ARFGEF3: variants seen among roughly 807,000 people sequenced by gnomAD.
ARFGEF3 encodes the protein brefeldin A-inhibited guanine nucleotide-exchange protein 3.
In ARFGEF3, 96 loss-of-function variants were observed where a neutral mutation model predicts 221.7. The observed-to-expected ratio is 0.43, with a 90% CI of 0.37 to 0.51. ARFGEF3 has a LOEUF of 0.51. Among genes scored for constraint, ARFGEF3 ranks in the 20% least tolerant of loss-of-function variants. The pLI, the probability that ARFGEF3 is intolerant of heterozygous loss-of-function variation, is 0.00. For missense variants in ARFGEF3, 2,410 were observed against 2,789.9 expected, an observed-to-expected ratio of 0.86 and a Z score of 3.07; for synonymous variants, 1,145 against 1,126.8, an observed-to-expected ratio of 1.02 and a Z score of -0.32.
intron 2 of ARFGEF3, among the ~76,000 whole-genome samples, chr6:138,178,244 T>C (rs1029155904): frequency 6.6e-6 from 1 of 152,198 alleles, no homozygotes; most frequent in Non-Finnish European, 1.5e-5. Context: ...ATAGCATACT[T>C]GTCATGGCTC....
chr6:138,174,895 C>A (rs560402360), intron 2 of ARFGEF3, among the ~76,000 whole-genome samples: 6 of 152,206 alleles, frequency 3.9e-5, no homozygotes, highest in Admixed American at 2.0e-4. Context: ...ATCAGAAGAA[C>A]CCTTGAAGAG....
At chr6:138,298,257 G>T (rs1430939917) in intron 21 of ARFGEF3, among the ~76,000 whole-genome samples, 1 of 152,190 alleles carries the variant, frequency 6.6e-6, no homozygotes, top group Non-Finnish European at 1.5e-5. Flanking sequence ...GTGGGGCACA[G>T]CTCAGATGAA....
At chr6:138,166,351 C>A (rs1162838719) in intron 1 of ARFGEF3, among the ~76,000 whole-genome samples, 1 of 152,176 alleles carries the variant, frequency 6.6e-6, no homozygotes, top group Non-Finnish European at 1.5e-5. Context: ...CCGGAGATAA[C>A]ACTGTTGACA....
chr6:138,319,242 T>C (rs964218276), intron 27 of ARFGEF3, among the ~76,000 whole-genome samples: 4 of 147,442 alleles, frequency 2.7e-5, no homozygotes, highest in African/African-American at 1.0e-4. Flanking sequence ...AGGTGTACAC[T>C]ACTGTGGCCA....
At chr6:138,250,033 C>T (rs1263949500) in intron 8 of ARFGEF3, among the ~76,000 whole-genome samples, 1 of 152,208 alleles carries the variant, frequency 6.6e-6, no homozygotes, top group African/African-American at 2.4e-5. Flanking sequence ...ATTTTACTAA[C>T]TTAATTCCTT....
chr6:138,171,436 T>C (rs1776828413), intron 2 of ARFGEF3, among the ~76,000 whole-genome samples: 1 of 152,190 alleles, frequency 6.6e-6, no homozygotes, highest in Non-Finnish European at 1.5e-5. Flanking sequence ...AGTGTGGATT[T>C]AAGCTCTGAT....
rs768308833 is a variant in ARFGEF3 at position 138,238,607 on chromosome 6, G to A, written c.519G>A (p.Gln173=). 6.2e-7 allele frequency: 1 copy of A among 1,613,770 alleles called. No homozygotes were observed. Among genetic ancestry groups the A allele is most frequent in the Non-Finnish European group, 8.5e-7 (1 of 1,179,744 alleles). The change falls in exon 6 of 34, where the codon CAG becomes CAA. Residue 173 remains glutamine (Q), a synonymous_variant. Coordinates refer to ENST00000251691, the MANE Select transcript of ARFGEF3 (RefSeq NM_020340.5). ...AAATGCTGAGTGACTTGACTTTACA[G>A]TTACGACAGAGGCAGGAGAATACGG... is the stretch of plus-strand genomic sequence containing the variant. ...LSQMLSDLTL[Q]LRQRQENTII...
chr6:138,287,218 C>G (rs954501946), intron 17 of ARFGEF3, 34 bp downstream of exon 17: 1 of 1,511,978 alleles, frequency 6.6e-7, no homozygotes, highest in African/African-American at 1.4e-5. Context: ...CACCTGGTGC[C>G]TTGGGTGCAG....
At chr6:138,272,751 C>T (rs1779027617) in intron 12 of ARFGEF3, among the ~76,000 whole-genome samples, 1 of 152,210 alleles carries the variant, frequency 6.6e-6, no homozygotes, top group African/African-American at 2.4e-5. Flanking sequence ...GTTTAGAAAG[C>T]TGATAATGCC....
In ARFGEF3 at chr6:138,334,304, G is replaced by A. The variant is rs775445122; in HGVS notation, c.5458G>A (p.Ala1820Thr). The change falls in exon 33 of 34, where the codon GCC becomes ACC. Residue 1820 changes from alanine (A) to threonine (T), a missense_variant. Around this residue, in one of 5 missense-constraint regions of ARFGEF3, gnomAD observed 723 missense variants for 991.9 expected, o/e 0.73. Coordinates refer to ENST00000251691, the MANE Select transcript of ARFGEF3 (RefSeq NM_020340.5). The surrounding 1 kb of genome is among the most constrained non-coding windows in gnomAD (Gnocchi z 5.1). ...SAMSFNIYFH[A>T]LVCAVLTNQE... ...GATGAGCTTTAACATTTATTTCCACGCCCTGGTGTGTGCTGTTCTCACCAA... is the reference window on the plus strand; with the variant it reads ...GATGAGCTTTAACATTTATTTCCACACCCTGGTGTGTGCTGTTCTCACCAA... The A allele has an allele frequency of 6.8e-6, 11 of 1,613,716 alleles. No homozygotes were observed. The East Asian group carries it at 1.6e-4, about 23-fold the overall frequency.
At chr6:138,316,233 A>G (rs528242751) in intron 26 of ARFGEF3, among the ~76,000 whole-genome samples, 3 of 152,310 alleles carry the variant, frequency 2.0e-5, no homozygotes, top group South Asian at 2.1e-4. Context: ...CTAGGACTTT[A>G]AAGTTATCAT....
chr6:138,194,155 C>A (rs1777365549), intron 2 of ARFGEF3, among the ~76,000 whole-genome samples: 1 of 151,802 alleles, frequency 6.6e-6, no homozygotes, highest in African/African-American at 2.4e-5. Flanking sequence ...GTAATCCCAG[C>A]TACTCAGGAG....
chr6:138,185,373 G>A (rs1013149663), intron 2 of ARFGEF3, among the ~76,000 whole-genome samples: 1 of 152,214 alleles, frequency 6.6e-6, no homozygotes, highest in South Asian at 2.1e-4. Context: ...GGACACGGAG[G>A]GAATTGGACT....
At chr6:138,257,463 ACTGGATGGATGTTC>A (rs1778705949) in intron 10 of ARFGEF3, among the ~76,000 whole-genome samples, 1 of 152,222 alleles carries the variant, frequency 6.6e-6, no homozygotes, top group Non-Finnish European at 1.5e-5. Flanking sequence ...ATTTTACTGC[ACTGGATGGATGTTC>A]CTCCTCATAG....
At chr6:138,294,326 C>T (rs956826107) in intron 20 of ARFGEF3, among the ~76,000 whole-genome samples, 200 bp downstream of exon 20, 2 of 152,334 alleles carry the variant, frequency 1.3e-5, no homozygotes, top group East Asian at 1.9e-4. Context: ...TGAATGGAAA[C>T]GTTGCTGCTA....
At position 138,339,659 on chromosome 6, in the gene ARFGEF3, G is replaced by A. The variant is rs1204751831; in HGVS notation, c.*3173G>A. The A allele has an allele frequency of 6.6e-6, 1 of 152,050 alleles. No homozygotes were observed. The highest frequency in any genetic ancestry group is 1.5e-5 in the Non-Finnish European group (1 of 68,040). 9.4% of individuals were successfully genotyped at this position (152,050 alleles called of 1,614,324 possible). A position where few individuals can be genotyped will look rare whatever the true frequency, so the allele number is the denominator to read the frequency against. On this transcript the variant is annotated 3_prime_UTR_variant, in exon 34 of 34. Transcript: ENST00000251691. Reference sequence around the variant, plus strand: ...TGATGGCCCAGCCAAGTATATGGAGGGACAGAGTTCTCTCTGTCATTAATG... The same window carrying A: ...TGATGGCCCAGCCAAGTATATGGAGAGACAGAGTTCTCTCTGTCATTAATG...
intron 3 of ARFGEF3, 84 bp from the exon 4 acceptor site, chr6:138,209,826 G>A: frequency 6.6e-7 from 1 of 1,520,702 alleles, no homozygotes; most frequent in Non-Finnish European, 8.9e-7. Flanking sequence ...TAAGAAAACT[G>A]ATCATCAATC....
chr6:138,326,830 A>G (rs1007912773), intron 31 of ARFGEF3, among the ~76,000 whole-genome samples: 1 of 152,376 alleles, frequency 6.6e-6, no homozygotes, highest in South Asian at 2.1e-4. Context: ...CTGCAGAACT[A>G]TTTACAATAA....
intron 4 of ARFGEF3, chr6:138,218,255 T>C (rs779230396): frequency 8.1e-5 from 131 of 1,611,522 alleles, no homozygotes; most frequent in Middle Eastern, 4.9e-4. Context: ...TGTAGCAGAA[T>C]GGTAAGAGCA....
Sources: gnomAD v4.1 joint callset for allele counts (sites outside exome capture counted in the v4.1 genomes callset) on GRCh38, gnomAD v4.1.1 for gene constraint, gnomAD v4.1.1 regional missense constraint, Gnocchi (gnomAD v3.1) non-coding constraint, MANE v1.5 for transcripts, NCBI Gene and HGNC (gene_info 2026-07-23, HGNC 2026-07-21) for gene names.